The following SORCS2 variants were observed in gnomAD, a reference collection of about 807,000 sequenced individuals.
SORCS2 encodes sortilin related VPS10 domain containing receptor 2.
Under a neutral mutation model 141.6 loss-of-function variants are expected in SORCS2, and 100 were observed. The ratio of observed to expected loss-of-function variants is 0.71; its 90% CI spans 0.60 to 0.83. The LOEUF (loss-of-function observed/expected upper bound fraction) is 0.83, where lower values mean the gene tolerates loss of function less well. Ranked by LOEUF, SORCS2 falls within the 40% of genes least tolerant of loss-of-function variation. SORCS2 has a pLI of 0.00. For missense variants in SORCS2, 1,646 were observed against 1,560.2 expected (o/e 1.05, Z -0.93); for synonymous variants, 789 against 676.9 (o/e 1.17, Z -2.57).
intron 7 of SORCS2, among the ~76,000 whole-genome samples, chr4:7,666,336 CAGG>C (rs1313966432): frequency 1.6e-4 from 25 of 152,106 alleles, no homozygotes; most frequent in African/African-American, 6.0e-4. Flanking sequence ...TTGTGAGGGG[CAGG>C]AGAAGGTGGG....
intron 2 of SORCS2, among the ~76,000 whole-genome samples, chr4:7,437,312 A>G (rs926200393): frequency 2.0e-5 from 3 of 152,210 alleles, no homozygotes; most frequent in Admixed American, 2.0e-4. Context: ...CATGAAAGAT[A>G]TGACTCAGGA....
chr4:7,561,789 G>T (rs898474220), intron 3 of SORCS2, among the ~76,000 whole-genome samples: 8 of 118,838 alleles, frequency 6.7e-5, no homozygotes, highest in Admixed American at 6.4e-4. Context: ...CTGTCCATTT[G>T]CCCATCTGTC....
At chr4:7,646,269 C>T (rs1721067219) in intron 4 of SORCS2, among the ~76,000 whole-genome samples, 1 of 152,168 alleles carries the variant, frequency 6.6e-6, no homozygotes, top group Non-Finnish European at 1.5e-5. Flanking sequence ...ATGCAGGCAG[C>T]TGAGCCGGGG....
At chr4:7,677,161 T>C (rs568720889) in intron 9 of SORCS2, among the ~76,000 whole-genome samples, 1 of 152,124 alleles carries the variant, frequency 6.6e-6, no homozygotes, top group Non-Finnish European at 1.5e-5. Flanking sequence ...CCCTCCTCAG[T>C]TGCCGTCTGA....
chr4:7,205,265 A>G (rs1727671177), intron 1 of SORCS2, among the ~76,000 whole-genome samples: 1 of 152,114 alleles, frequency 6.6e-6, no homozygotes, highest in Admixed American at 6.5e-5. Context: ...GAGGACCCCA[A>G]ACTGGCACAG....
chr4:7,682,750 G>A lies in SORCS2; in HGVS notation c.1349G>A (p.Gly450Glu), dbSNP rs755676127. Residue 450 changes from glycine to glutamate, a missense_variant, in exon 10 of 27, where the codon GGG becomes GAG. Physicochemically the swap from Gly to Glu is moderately conservative, Grantham distance 98. Coordinates refer to ENST00000507866, the MANE Select transcript of SORCS2 (RefSeq NM_020777.3). The part of the protein sequence containing the change: ...SVLIDILEVR[G>E]VKGVFLANQK... Reference sequence around the variant, plus strand: ...CTTTTATTTTTGTCCCAGGTCAGAGGGGTGAAAGGAGTCTTCCTGGCAAAC... The same window carrying A: ...CTTTTATTTTTGTCCCAGGTCAGAGAGGTGAAAGGAGTCTTCCTGGCAAAC... 2.5e-6 allele frequency: 4 copies of A among 1,610,026 alleles called. No individual in the cohort carries two copies. The Admixed American group carries it at 6.7e-5, about 27-fold the overall frequency.
chr4:7,575,773 G>A (rs1260546398), intron 3 of SORCS2, among the ~76,000 whole-genome samples: 2 of 152,180 alleles, frequency 1.3e-5, no homozygotes, highest in Non-Finnish European at 2.9e-5. Context: ...CAGGATCAGA[G>A]AGGTTAACAG....
chr4:7,240,122 T>C (rs1457011367), intron 1 of SORCS2, among the ~76,000 whole-genome samples: 1 of 152,182 alleles, frequency 6.6e-6, no homozygotes, highest in Non-Finnish European at 1.5e-5. Flanking sequence ...TTGTTGGGCC[T>C]CCGTGTTCTG....
At chr4:7,374,514 G>A (rs540491970) in intron 1 of SORCS2, among the ~76,000 whole-genome samples, 1 of 152,316 alleles carries the variant, frequency 6.6e-6, no homozygotes, top group African/African-American at 2.4e-5. Context: ...TTGTCTGCGT[G>A]TTGCTTTTCC....
At chr4:7,421,072 C>G (rs534421215) in intron 2 of SORCS2, among the ~76,000 whole-genome samples, 3 of 152,308 alleles carry the variant, frequency 2.0e-5, no homozygotes, top group African/African-American at 7.2e-5. Context: ...CTCTTGGGTG[C>G]TCAGGGACCC....
Position 7,193,056 on chromosome 4 carries a change from C to A in SORCS2, c.410C>A (p.Thr137Lys), listed in dbSNP as rs762049036. The A allele has an allele frequency of 1.4e-5, 21 of 1,546,764 alleles. No homozygotes were observed. Among genetic ancestry groups the A allele is most frequent in the Admixed American group, 1.8e-5 (1 of 54,136 alleles). The change falls in exon 1 of 27, where the codon ACG (threonine) becomes AAG (lysine). Residue 137 changes from threonine to lysine, a missense_variant. Physicochemically the swap from Thr to Lys is moderately conservative, Grantham distance 78 (BLOSUM62 -1). Transcript: ENST00000507866. The surrounding 1 kb of genome is among the most constrained non-coding windows in gnomAD (Gnocchi z 4.8). ...ASRAQVSLIS[T>K]SFVLKGDATH... Reference sequence around the variant, plus strand: ...CGGGCGCAGGTCTCGCTCATCAGCACGTCGTTCGTGCTCAAGGGGGACGCG... The same window carrying A: ...CGGGCGCAGGTCTCGCTCATCAGCAAGTCGTTCGTGCTCAAGGGGGACGCG...
chr4:7,305,600 A>G (rs918729110), intron 1 of SORCS2, among the ~76,000 whole-genome samples: 12 of 152,264 alleles, frequency 7.9e-5, no homozygotes, highest in African/African-American at 2.9e-4. Context: ...CCAGCATCTC[A>G]GGGGCTTAGT....
chr4:7,377,930 G>T (rs933986093), intron 1 of SORCS2, among the ~76,000 whole-genome samples: 2 of 152,226 alleles, frequency 1.3e-5, no homozygotes, highest in Non-Finnish European at 2.9e-5. Context: ...TTAGATTTCA[G>T]AAATGAAGAT....
At chr4:7,546,680 C>T (rs954254114) in intron 3 of SORCS2, among the ~76,000 whole-genome samples, 8 of 152,168 alleles carry the variant, frequency 5.3e-5, no homozygotes, top group African/African-American at 7.2e-5. Flanking sequence ...CTCATGGGGA[C>T]GCTGCCGTGG....
intron 8 of SORCS2, among the ~76,000 whole-genome samples, chr4:7,668,610 G>A (rs924043050): frequency 1.4e-4 from 21 of 152,136 alleles, no homozygotes; most frequent in African/African-American, 5.1e-4. Flanking sequence ...AGTCTAGGAG[G>A]CCTTTTAAAA....
At chr4:7,242,119 C>T (rs1712743060) in intron 1 of SORCS2, among the ~76,000 whole-genome samples, 2 of 152,210 alleles carry the variant, frequency 1.3e-5, no homozygotes, top group Non-Finnish European at 2.9e-5. Context: ...TAGGGCCTTC[C>T]TCCTGCTGTG....
chr4:7,300,861 G>C (rs1717384363), intron 1 of SORCS2, among the ~76,000 whole-genome samples: 1 of 152,238 alleles, frequency 6.6e-6, no homozygotes, highest in Non-Finnish European at 1.5e-5. Flanking sequence ...CCCTGTTTGA[G>C]AGCCATCTGT....
At chr4:7,558,799 G>A (rs1714319976) in intron 3 of SORCS2, among the ~76,000 whole-genome samples, 1 of 152,156 alleles carries the variant, frequency 6.6e-6, no homozygotes, top group Admixed American at 6.5e-5. Context: ...CAAGGGGGCT[G>A]TCCCTGGCCC....
At chr4:7,522,239 G>C (rs534886027) in intron 2 of SORCS2, among the ~76,000 whole-genome samples, 2 of 152,330 alleles carry the variant, frequency 1.3e-5, no homozygotes, top group East Asian at 3.9e-4. Flanking sequence ...CCCTGAGGAG[G>C]AGGGGTGGGC....
Sources: gnomAD v4.1 joint callset for allele counts (sites outside exome capture counted in the v4.1 genomes callset) on GRCh38, gnomAD v4.1.1 for gene constraint, Gnocchi (gnomAD v3.1) non-coding constraint, MANE v1.5 for transcripts, NCBI Gene and HGNC (gene_info 2026-07-23, HGNC 2026-07-21) for gene names.